MTMR11: variants seen among roughly 807,000 people sequenced by gnomAD.
MTMR11 encodes myotubularin related protein 11.
In MTMR11, 89 loss-of-function variants were observed where a neutral mutation model predicts 100.0. That is an observed-to-expected ratio of 0.89 (90% CI 0.75 to 1.06). The LOEUF is 1.06. Among genes scored for constraint, MTMR11 ranks in the 50% least tolerant of loss-of-function variants. MTMR11 has a pLI of 0.00. For synonymous variants in MTMR11, 336 were observed against 326.3 expected (o/e 1.03, Z -0.32); for missense variants, 809 against 873.7 (o/e 0.93, Z 0.93).
intron 12 of MTMR11, 82 bp downstream of exon 12, chr1:149,931,862 G>A: frequency 8.0e-7 from 1 of 1,255,884 alleles, no homozygotes; most frequent in South Asian, 1.2e-5. Context: ...AAGCCTTATG[G>A]GTCTCCCTCC....
intron 11 of MTMR11, 22 bp from the exon 12 acceptor site, chr1:149,932,036 A>G: frequency 6.3e-7 from 1 of 1,597,476 alleles, no homozygotes; most frequent in Non-Finnish European, 8.6e-7. Context: ...GGTGAGGAAG[A>G]GGGAGGAAGA....
At position 149,935,289 on chromosome 1, in the gene MTMR11, C is replaced by CA; in HGVS notation, c.325+9_325+10insT. ...AGTGAACCCCTTCACCAAACCCCCCCCCAACTTACCAGCCTCTAATCGTCC... is the reference window on the plus strand; with the variant it reads ...AGTGAACCCCTTCACCAAACCCCCCCACCAACTTACCAGCCTCTAATCGTCC... On this transcript the variant is annotated intron_variant, in intron 4 of 16. Coordinates refer to ENST00000439741, the MANE Select transcript of MTMR11 (RefSeq NM_001145862.2). The CA allele has an allele frequency of 6.2e-7, 1 of 1,613,276 alleles. No homozygotes were observed.
At chr1:149,930,090 G>A (rs1051168986) in intron 15 of MTMR11, 174 bp from the exon 16 acceptor site, 17 of 767,144 alleles carry the variant, frequency 2.2e-5, no homozygotes, top group Admixed American at 8.8e-5. Flanking sequence ...ACTAGGCCTC[G>A]GGACTGATTA....
At position 149,931,435 on chromosome 1, in the gene MTMR11, TAAA is replaced by T. The variant is rs1197254375; in HGVS notation, c.1124-12_1124-10del. ...ATCACGATCACCGCGCTCTGGGTGA[TAAA>T]GAGGAAGAAGGGACAAAGAAGAGGG... On this transcript the variant is annotated splice_polypyrimidine_tract_variant and intron_variant, in intron 12 of 16. Coordinates refer to ENST00000439741, the MANE Select transcript of MTMR11 (RefSeq NM_001145862.2). The T allele has an allele frequency of 6.4e-7, 1 of 1,573,240 alleles. No homozygotes were observed. Among genetic ancestry groups the T allele is most frequent in the Non-Finnish European group, 8.6e-7 (1 of 1,160,924 alleles).
Position 149,930,921 on chromosome 1 carries a change from GA to G in MTMR11, c.1334del (p.Leu445ProfsTer31). ...LLFLDCVWQLLQQFPADFEFS... is the reference protein window; with the variant it reads ...LLFLDCVWQLXQQFPADFEFS... ...ATTCAAAATCAGCTGGAAACTGCTG[GA>G]GGAGCTGCCAGACACAATCAAGGAA... On this transcript the variant is annotated frameshift_variant, in exon 14 of 17. Coordinates refer to ENST00000439741, the MANE Select transcript of MTMR11 (RefSeq NM_001145862.2). LOFTEE classifies it high-confidence loss of function. 6.2e-7 allele frequency: 1 copy of G among 1,612,710 alleles called. No homozygotes were observed. Among genetic ancestry groups the G allele is most frequent in the East Asian group, 2.2e-5 (1 of 44,860 alleles).
At chr1:149,930,630 T>C (rs1352583762) in intron 14 of MTMR11, 83 bp from the exon 15 acceptor site, 2 of 1,419,220 alleles carry the variant, frequency 1.4e-6, no homozygotes, top group South Asian at 1.4e-5. Flanking sequence ...TCACCTCTTA[T>C]TCTAGGAAAG....
At chr1:149,932,102 C>T (rs1343002130) in intron 11 of MTMR11, 88 bp from the exon 12 acceptor site, 14 of 1,415,204 alleles carry the variant, frequency 9.9e-6, no homozygotes, top group East Asian at 4.6e-5. Flanking sequence ...GGAATAAGGC[C>T]GACTCCAAAT....
chr1:149,935,927 T>A (rs903332957), intron 2 of MTMR11, among the ~76,000 whole-genome samples: 2 of 152,166 alleles, frequency 1.3e-5, no homozygotes, highest in Non-Finnish European at 2.9e-5. Context: ...ACTAACTATG[T>A]ATCGAATAAG....
intron 2 of MTMR11, 67 bp from the exon 3 acceptor site, chr1:149,935,772 C>T: frequency 1.3e-6 from 2 of 1,484,034 alleles, no homozygotes; most frequent in Non-Finnish European, 9.1e-7. Context: ...GATACACCCA[C>T]CCCTCCAAGA....
rs1559803407 is a variant in MTMR11, at chr1:149,930,382, A to G, written c.1630T>C (p.Trp544Arg). 2.5e-6 allele frequency: 4 copies of G among 1,613,638 alleles called. No individual in the cohort carries two copies. Among genetic ancestry groups the G allele is most frequent in the Non-Finnish European group, 2.5e-6 (3 of 1,179,672 alleles). ...GYDPEHCPDS[W>R]LPRPQPSFMV... ...CACTTCACCTGTGGTCTAGGGAGCCAGGAATCTGGACAGTGTTCTGGGTCA... is the reference window on the plus strand; with the variant it reads ...CACTTCACCTGTGGTCTAGGGAGCCGGGAATCTGGACAGTGTTCTGGGTCA... The change falls in exon 15 of 17, where the codon TGG becomes CGG. Residue 544 changes from tryptophan (W) to arginine (R), a missense_variant. Physicochemically the swap from Trp to Arg is moderately radical, Grantham distance 101. Transcript: ENST00000439741.
rs782807289 is a variant in MTMR11 at position 149,934,260 on chromosome 1, TCAGTCTCC to T, written c.606_613del (p.Trp202Ter). On this transcript the variant is annotated stop_gained and frameshift_variant, in exon 7 of 17. Coordinates refer to ENST00000439741, the MANE Select transcript of MTMR11 (RefSeq NM_001145862.2). LOFTEE classifies it high-confidence loss of function. Reference sequence around the variant, plus strand: ...GCCTCTGGCTGCCTGCTTCTTCCGCTCAGTCTCCCAGTCTTCCGCTGTCTCCATGAGAG... The same window carrying T: ...GCCTCTGGCTGCCTGCTTCTTCCGCTCAGTCTTCCGCTGTCTCCATGAGAG... 1 of 1,614,196 alleles carries T rather than the reference TCAGTCTCC, an allele frequency of 6.2e-7. No individual in the cohort carries two copies. Among genetic ancestry groups the T allele is most frequent in the South Asian group, 1.1e-5 (1 of 91,076 alleles).
At chr1:149,933,381 G>A (rs1384194407) in intron 10 of MTMR11, 25 bp downstream of exon 10, 1 of 1,613,552 alleles carries the variant, frequency 6.2e-7, no homozygotes, top group African/African-American at 1.3e-5. Flanking sequence ...GAGGGTGAGG[G>A]TTAGGGGTCA....
chr1:149,931,319 A>G lies in MTMR11; in HGVS notation c.1231T>C (p.Trp411Arg). The change falls in exon 13 of 17, where the codon TGG (tryptophan) becomes CGG (arginine). Residue 411 changes from tryptophan to arginine, a missense_variant. Trp to Arg is a moderately radical substitution (Grantham distance 101). Transcript: ENST00000439741. ...AGGAAGGGATGTCCAGCTGCCACCC[A>G]CTCTCGCTGTACTAGTGATTGGAAG... is the stretch of plus-strand genomic sequence containing the variant. ...FGFQSLVQREWVAAGHPFLTR... is the reference protein window; with the variant it reads ...FGFQSLVQRERVAAGHPFLTR... The G allele has an allele frequency of 6.2e-7, 1 of 1,613,598 alleles. No individual in the cohort carries two copies.
At chr1:149,931,834 C>T (rs944513628) in intron 12 of MTMR11, 110 bp downstream of exon 12, 11 of 968,362 alleles carry the variant, frequency 1.1e-5, no homozygotes, top group Non-Finnish European at 1.8e-5. Flanking sequence ...AGGTAGTTCC[C>T]AGGAACAGGA....
rs925048055 is a variant in MTMR11, at chr1:149,936,224, G to A, written c.72C>T (p.Val24=). ...TGGGCTCCGGCATCCTATTTTCCTG[G>A]ACAGACTTTGGTCCAGAGGGTTGAG... ...PQKEEPEMGS[V]QENRMPEPRS... is the part of the protein sequence containing the mutation. Residue 24 remains valine, a synonymous_variant, in exon 2 of 17, where the codon GTC becomes GTT. Coordinates refer to ENST00000439741, the MANE Select transcript of MTMR11 (RefSeq NM_001145862.2). 3 of 1,613,730 alleles carry A rather than the reference G, an allele frequency of 1.9e-6. No homozygotes were observed. Among genetic ancestry groups the A allele is most frequent in the Admixed American group, 1.7e-5 (1 of 59,986 alleles).
In MTMR11 at chr1:149,933,690, G is replaced by A. The variant is rs2092688624; in HGVS notation, c.780C>T (p.Ser260=). ...GATCACTGCCCCCAGGGTGATGCCA[G>A]GACAAGCGCTTCACATGGGGCAGAA... ...HFHQGRGPRL[S]WHHPGGSDLL... The change falls in exon 9 of 17, where the codon TCC becomes TCT. Residue 260 remains serine (S), a synonymous_variant. Coordinates refer to ENST00000439741, the MANE Select transcript of MTMR11 (RefSeq NM_001145862.2). 1.2e-6 allele frequency: 2 copies of A among 1,614,060 alleles called. No individual in the cohort carries two copies. Among genetic ancestry groups the A allele is most frequent in the South Asian group, 2.2e-5 (2 of 91,086 alleles).
chr1:149,936,442 G>A lies in MTMR11; in HGVS notation c.66+140C>T, dbSNP rs966750655. ...CAACGAACTTGAGACTGAGAAAGAC[G>A]GACCAGGCTCCATCAGCAGAAGCTG... On this transcript the variant is annotated intron_variant, in intron 1 of 16. Transcript: ENST00000439741. 3.0e-5 allele frequency: 41 copies of A among 1,380,886 alleles called. No homozygotes were observed. The African/African-American group carries it at 3.5e-4, about 12-fold the overall frequency. 85.5% of individuals were successfully genotyped at this position (1,380,886 alleles called of 1,614,324 possible).
In MTMR11 at chr1:149,928,977, G is replaced by GA; in HGVS notation, c.*151dup. ...ATGACAAGAAGCAAAAATATTTGTAGAAACTAAGCAAGACAAGAGTTGGAG... is the reference window on the plus strand; with the variant it reads ...ATGACAAGAAGCAAAAATATTTGTAGAAAACTAAGCAAGACAAGAGTTGGAG... On this transcript the variant is annotated 3_prime_UTR_variant, in exon 17 of 17. Coordinates refer to ENST00000439741, the MANE Select transcript of MTMR11 (RefSeq NM_001145862.2). The GA allele has an allele frequency of 6.2e-7, 1 of 1,611,306 alleles. No individual in the cohort carries two copies. The highest frequency in any genetic ancestry group is 8.5e-7 in the Non-Finnish European group (1 of 1,178,744).
rs782088294 is a variant in MTMR11, at chr1:149,931,320, C to T, written c.1230G>A (p.Glu410=). 7 of 1,614,056 alleles carry T rather than the reference C, an allele frequency of 4.3e-6. No individual in the cohort carries two copies. In the East Asian group the frequency reaches 6.7e-5, roughly 15 times the overall value. The stretch of plus-strand genomic sequence containing the variant: ...GGAAGGGATGTCCAGCTGCCACCCA[C>T]TCTCGCTGTACTAGTGATTGGAAGC... ...LFGFQSLVQR[E]WVAAGHPFLT... is the part of the protein sequence containing the mutation. Residue 410 remains glutamate (E), a synonymous_variant, in exon 13 of 17, where the codon GAG becomes GAA. Coordinates refer to ENST00000439741, the MANE Select transcript of MTMR11 (RefSeq NM_001145862.2).
Sources: allele counts gnomAD v4.1 joint callset (sites outside exome capture counted in the v4.1 genomes callset), GRCh38; gene constraint gnomAD v4.1.1; transcripts MANE v1.5; gene names NCBI Gene and HGNC (gene_info 2026-07-23, HGNC 2026-07-21).